TRIO: variants seen among roughly 807,000 people sequenced by gnomAD.
TRIO encodes the protein trio Rho guanine nucleotide exchange factor, also known as triple functional domain protein.
Under a neutral mutation model 351.9 loss-of-function variants are expected in TRIO, and 58 were observed. The observed-to-expected ratio is 0.16, with a 90% CI of 0.13 to 0.21. The LOEUF is 0.21. Ranked by LOEUF, TRIO falls within the 10% of genes least tolerant of loss-of-function variation. TRIO has a pLI of 1.00. For missense variants in TRIO, 3,201 were observed against 4,027.8 expected (o/e 0.79, Z 5.56); for synonymous variants, 1,758 against 1,595.7 (o/e 1.10, Z -2.42).
chr5:14,398,680 A>ATATG (rs1269517571), intron 29 of TRIO, among the ~76,000 whole-genome samples, 200 bp from the exon 30 acceptor site: 7 of 152,194 alleles, frequency 4.6e-5, no homozygotes, highest in Non-Finnish European at 7.3e-5. Flanking sequence ...AAAGGAAAAT[A>ATATG]TATGTAAAGT....
intron 1 of TRIO, among the ~76,000 whole-genome samples, chr5:14,259,035 GCTGGT>G (rs749045695): frequency 1.6e-4 from 24 of 152,188 alleles, no homozygotes; most frequent in African/African-American, 5.8e-4. Context: ...CCACAAGTGA[GCTGGT>G]CGTTTCCTCA....
At position 14,413,957 on chromosome 5, in the gene TRIO, G is replaced by C. The variant is rs188018301; in HGVS notation, c.4960-5821G>C. On this transcript the variant is annotated intron_variant, in intron 33 of 56. Transcript: ENST00000344204. ...AGCTGGTTGAGGTCAGCTAGTTAAC[G>C]TTAGATCTCAGATCATTGTCCCTCC... Among the ~76,000 whole-genome samples the C allele has an allele frequency of 1.3e-4, 20 of 152,290 alleles. No individual in the cohort carries two copies. The East Asian group carries it at 2.3e-3, about 18-fold the overall frequency.
rs1449967521 is a variant in TRIO at position 14,498,605 on chromosome 5, G to C, written c.8297G>C (p.Gly2766Ala). 6.2e-7 allele frequency: 1 copy of C among 1,614,152 alleles called. No individual in the cohort carries two copies. Among genetic ancestry groups the C allele is most frequent in the Admixed American group, 1.7e-5 (1 of 60,032 alleles). The change falls in exon 53 of 57, where the codon GGT becomes GCT. Residue 2766 changes from glycine (G) to alanine (A), a missense_variant. By Grantham distance (60) the Gly-to-Ala change is moderately conservative. This residue lies in a region of TRIO where 1,089 missense variants were observed against 954.9 expected (regional missense o/e 1.14). Coordinates refer to ENST00000344204, the MANE Select transcript of TRIO (RefSeq NM_007118.4). The stretch of plus-strand genomic sequence containing the variant: ...ACGTGCATCGCTGTCAATGACATGG[G>C]TTCAGCCTCATCGTCGGCCAGCCTG... ...IYTCIAVNDMGSASSSASLRV... is the reference protein window; with the variant it reads ...IYTCIAVNDMASASSSASLRV...
chr5:14,307,162 C>A (rs187484399), intron 8 of TRIO, among the ~76,000 whole-genome samples: 5 of 152,290 alleles, frequency 3.3e-5, no homozygotes, highest in Admixed American at 1.3e-4. Flanking sequence ...ATTGCCTCGA[C>A]CCAGATTTTC....
At chr5:14,465,669 T>A in intron 37 of TRIO, 29 bp downstream of exon 37, 1 of 1,611,724 alleles carries the variant, frequency 6.2e-7, no homozygotes. Flanking sequence ...AGTCTGACTT[T>A]TGGAAGCTGC....
intron 1 of TRIO, among the ~76,000 whole-genome samples, chr5:14,144,325 GGTCTTTGATCT>G (rs1787358644): frequency 6.6e-6 from 1 of 152,176 alleles, no homozygotes; most frequent in South Asian, 2.1e-4. Flanking sequence ...ACGGGAAATT[GGTCTTTGATCT>G]GTGCCTGTCT....
chr5:14,371,804 C>A (rs533420463), intron 18 of TRIO, among the ~76,000 whole-genome samples: 2 of 152,070 alleles, frequency 1.3e-5, no homozygotes, highest in East Asian at 3.9e-4. Flanking sequence ...CCACACCTGG[C>A]TAATTTTTGT....
At chr5:14,328,583 A>G (rs1448438058) in intron 9 of TRIO, among the ~76,000 whole-genome samples, 3 of 152,258 alleles carry the variant, frequency 2.0e-5, no homozygotes, top group Admixed American at 1.3e-4. Context: ...TTAAAATGGA[A>G]TATGTACAGC....
rs545065418 is a variant in TRIO at position 14,367,284 on chromosome 5, C to T, written c.2874+305C>T. Among the ~76,000 whole-genome samples the T allele has an allele frequency of 2.6e-5, 4 of 152,254 alleles. No homozygotes were observed. In the East Asian group the frequency reaches 7.7e-4, roughly 29 times the overall value. On this transcript the variant is annotated intron_variant, in intron 16 of 56. Coordinates refer to ENST00000344204, the MANE Select transcript of TRIO (RefSeq NM_007118.4). ...GTTGTAGGAGCCCTGGCAAGATGCA[C>T]TTTCTCTCATCTGGAATGGCTCAGA...
At chr5:14,166,781 C>A (rs141763738) in intron 1 of TRIO, among the ~76,000 whole-genome samples, 1 of 152,020 alleles carries the variant, frequency 6.6e-6, no homozygotes, top group South Asian at 2.1e-4. Flanking sequence ...AATGTCCTCT[C>A]CAGTAGAAAT....
intron 2 of TRIO, among the ~76,000 whole-genome samples, chr5:14,276,293 C>T (rs902221128): frequency 1.3e-5 from 2 of 152,306 alleles, no homozygotes; most frequent in Middle Eastern, 3.4e-3. Context: ...ACTGAGAGTG[C>T]GGGAACTGGC....
At chr5:14,195,778 T>C (rs532113721) in intron 1 of TRIO, among the ~76,000 whole-genome samples, 2 of 152,352 alleles carry the variant, frequency 1.3e-5, no homozygotes, top group Admixed American at 1.3e-4. Context: ...ATTATCATGA[T>C]TGACTGGATT....
chr5:14,316,804 ACAT>A, intron 9 of TRIO, 61 bp downstream of exon 9: 1 of 1,484,532 alleles, frequency 6.7e-7, no homozygotes, highest in Non-Finnish European at 9.2e-7. Flanking sequence ...GAGTTTAAAT[ACAT>A]CATCATATTG....
At chr5:14,146,819 GC>G (rs879430889) in intron 1 of TRIO, among the ~76,000 whole-genome samples, 2 of 152,184 alleles carry the variant, frequency 1.3e-5, no homozygotes, top group Admixed American at 1.3e-4. Context: ...GGGCTCCAGA[GC>G]CCTGGTGCCC....
At chr5:14,331,286 A>G (rs1192082256) in intron 10 of TRIO, among the ~76,000 whole-genome samples, 2 of 152,166 alleles carry the variant, frequency 1.3e-5, no homozygotes, top group Non-Finnish European at 2.9e-5. Flanking sequence ...GGGCTTAGGA[A>G]ACAGGAGCCG....
intron 36 of TRIO, 134 bp from the exon 37 acceptor site, chr5:14,465,411 C>T: frequency 2.5e-6 from 2 of 789,808 alleles, no homozygotes; most frequent in Non-Finnish European, 2.1e-6. Flanking sequence ...TAAATGTAAA[C>T]AAAGACAAAC....
intron 11 of TRIO, among the ~76,000 whole-genome samples, chr5:14,350,963 A>T (rs1743028931): frequency 6.6e-6 from 1 of 152,134 alleles, no homozygotes; most frequent in Non-Finnish European, 1.5e-5. Flanking sequence ...CACAACCTGG[A>T]TTCCTCGCAT....
intron 1 of TRIO, among the ~76,000 whole-genome samples, chr5:14,178,058 C>T (rs762628449): frequency 2.6e-5 from 4 of 152,128 alleles, no homozygotes; most frequent in Non-Finnish European, 5.9e-5. Flanking sequence ...AACAAATACT[C>T]TTGTATTCAT....
At chr5:14,261,403 C>T (rs141460333) in intron 1 of TRIO, among the ~76,000 whole-genome samples, 45 of 152,320 alleles carry the variant, frequency 3.0e-4, no homozygotes, top group African/African-American at 9.6e-4. Flanking sequence ...AATGGAGTCA[C>T]GTGAGCCCTC....
Sources: gnomAD v4.1 joint callset for allele counts (sites outside exome capture counted in the v4.1 genomes callset) on GRCh38, gnomAD v4.1.1 for gene constraint, gnomAD v4.1.1 regional missense constraint, MANE v1.5 for transcripts, NCBI Gene and HGNC (gene_info 2026-07-23, HGNC 2026-07-21) for gene names.